BCAS3: variants seen among roughly 807,000 people sequenced by gnomAD.
The protein encoded by BCAS3 is BCAS4/BCAS3 fusion.
A neutral mutation model predicts 116.1 loss-of-function variants in BCAS3; 53 were observed. The observed-to-expected ratio is 0.46, with a 90% CI of 0.37 to 0.57. The LOEUF (loss-of-function observed/expected upper bound fraction) is 0.57. Among genes scored for constraint, BCAS3 ranks in the 20% least tolerant of loss-of-function variants. The pLI, the probability that BCAS3 is intolerant of heterozygous loss-of-function variation, is 0.00. For missense variants in BCAS3, 917 were observed against 1,165.4 expected, an observed-to-expected ratio of 0.79 and a Z score of 3.10; for synonymous variants, 391 against 408.2, an observed-to-expected ratio of 0.96 and a Z score of 0.51.
chr17:60,928,131 A>G (rs1465299263), intron 13 of BCAS3, among the ~76,000 whole-genome samples: 1 of 152,148 alleles, frequency 6.6e-6, no homozygotes, highest in African/African-American at 2.4e-5. Flanking sequence ...TTCACTTAAT[A>G]AGAGATAGTC....
chr17:61,266,748 C>T (rs1227109775), intron 22 of BCAS3, among the ~76,000 whole-genome samples: 2 of 152,140 alleles, frequency 1.3e-5, no homozygotes, highest in Admixed American at 6.6e-5. Flanking sequence ...CATCCCATTT[C>T]GTGTTAGAAA....
chr17:60,779,549 A>G (rs907796119), intron 6 of BCAS3, among the ~76,000 whole-genome samples: 8 of 152,010 alleles, frequency 5.3e-5, no homozygotes, highest in Non-Finnish European at 1.5e-5. Flanking sequence ...TTGTATTTTT[A>G]GTAGAGACAG....
intron 22 of BCAS3, among the ~76,000 whole-genome samples, chr17:61,283,861 TCAAA>T (rs2051468212): frequency 6.6e-6 from 1 of 152,140 alleles, no homozygotes; most frequent in African/African-American, 2.4e-5. Flanking sequence ...CCTCCTGGGC[TCAAA>T]CAGTCCTCCT....
intron 19 of BCAS3, among the ~76,000 whole-genome samples, chr17:61,049,786 G>A (rs1421179749): frequency 7.0e-6 from 1 of 142,160 alleles, no homozygotes; most frequent in African/African-American, 2.7e-5. Context: ...AGGCTAGAGT[G>A]CAATGGCGTG....
chr17:61,317,066 G>A (rs1484853444), intron 22 of BCAS3, among the ~76,000 whole-genome samples: 1 of 152,128 alleles, frequency 6.6e-6, no homozygotes, highest in African/African-American at 2.4e-5. Context: ...TCACTGCTTT[G>A]TTTTCTTAAA....
At chr17:61,045,845 C>A (rs1404420603) in intron 19 of BCAS3, among the ~76,000 whole-genome samples, 8 of 3,704 alleles carry the variant, frequency 2.2e-3, no homozygotes, top group East Asian at 3.7e-3. Flanking sequence ...CTCTCTCTCT[C>A]TCTCTATATA....
chr17:61,251,980 TA>T lies in BCAS3; in HGVS notation c.2426-116344del, dbSNP rs2048401444. The stretch of plus-strand genomic sequence containing the variant: ...TTTAGAAGAAAAAGAGAGAAAAGGA[TA>T]AAGAAAAAAACTAATAAAAATAGCT... On this transcript the variant is annotated intron_variant, in intron 22 of 23. Coordinates refer to ENST00000407086, the MANE Select transcript of BCAS3 (RefSeq NM_017679.5). This position sits in a 1 kb window ranked among gnomAD's most constrained non-coding sequence, Gnocchi z 4.7. 6.6e-6 allele frequency among the ~76,000 whole-genome samples: 1 copy of T among 151,794 alleles called. No individual in the cohort carries two copies. Among genetic ancestry groups the T allele is most frequent in the South Asian group, 2.1e-4 (1 of 4,816 alleles).
At chr17:61,230,992 GGTCTCACTAT>G (rs1177471625) in intron 22 of BCAS3, among the ~76,000 whole-genome samples, 1 of 138,480 alleles carries the variant, frequency 7.2e-6, no homozygotes, top group African/African-American at 2.7e-5. Flanking sequence ...TAAGAGATAA[GGTCTCACTAT>G]GTTCCCCAGG....
At chr17:61,045,849 C>CTCTCTCTA (rs1247914760) in intron 19 of BCAS3, among the ~76,000 whole-genome samples, 1 of 7,938 alleles carries the variant, frequency 1.3e-4, no homozygotes, top group African/African-American at 1.2e-3. Context: ...CTCTCTCTCT[C>CTCTCTCTA]TATATATATA....
rs568445618 is a variant in BCAS3, at chr17:61,117,278, A to G, written c.2425+32714A>G. The stretch of plus-strand genomic sequence containing the variant: ...ATCCACTTAGCTTTTTATTTTAGTT[A>G]TTGTATTTTTCAGTTCTAAAATTTT... On this transcript the variant is annotated intron_variant, in intron 22 of 23. Coordinates refer to ENST00000407086, the MANE Select transcript of BCAS3 (RefSeq NM_017679.5). Among the ~76,000 whole-genome samples, 10 of 152,110 alleles carry G rather than the reference A, an allele frequency of 6.6e-5. No individual in the cohort carries two copies. The South Asian group carries it at 2.1e-3, about 32-fold the overall frequency.
intron 4 of BCAS3, among the ~76,000 whole-genome samples, chr17:60,693,471 T>C (rs1244147033): frequency 1.3e-5 from 2 of 151,614 alleles, no homozygotes; most frequent in African/African-American, 4.9e-5. Context: ...TGCAGTGGCC[T>C]GAACTTGAAC....
At chr17:61,184,527 C>A (rs2079655878) in intron 22 of BCAS3, among the ~76,000 whole-genome samples, 1 of 152,040 alleles carries the variant, frequency 6.6e-6, no homozygotes, top group East Asian at 1.9e-4. Flanking sequence ...AATGGTATGT[C>A]CACTTTTTAA....
At chr17:61,175,591 G>C (rs2079087052) in intron 22 of BCAS3, among the ~76,000 whole-genome samples, 1 of 152,222 alleles carries the variant, frequency 6.6e-6, no homozygotes, top group Non-Finnish European at 1.5e-5. Flanking sequence ...AGCTGTCCCA[G>C]CTAGATTATA....
chr17:61,267,875 C>T (rs367680500), intron 22 of BCAS3, among the ~76,000 whole-genome samples: 1 of 152,102 alleles, frequency 6.6e-6, no homozygotes, highest in African/African-American at 2.4e-5. Flanking sequence ...TTGTTTTATT[C>T]TCCTCCACGT....
chr17:61,321,111 G>T (rs555241936), intron 22 of BCAS3, among the ~76,000 whole-genome samples: 1 of 152,052 alleles, frequency 6.6e-6, no homozygotes, highest in Non-Finnish European at 1.5e-5. Context: ...TTAATCTAGG[G>T]TCTTTTGGCC....
chr17:61,237,109 GC>G (rs2083122024), intron 22 of BCAS3, among the ~76,000 whole-genome samples: 1 of 152,166 alleles, frequency 6.6e-6, no homozygotes, highest in East Asian at 1.9e-4. Flanking sequence ...GAGAGGTGAA[GC>G]CAGCTGGACT....
In BCAS3 at chr17:61,274,111, C is replaced by T. The variant is rs564442793; in HGVS notation, c.2426-94216C>T. ...TCTCCTAATGCTATCCCTCCCCACT[C>T]CCCCCACCCCACAACAGTCCCCGGT... On this transcript the variant is annotated intron_variant, in intron 22 of 23. Transcript: ENST00000407086. 1.8e-3 allele frequency among the ~76,000 whole-genome samples: 278 copies of T among 150,314 alleles called. 2 individuals carry two copies. Among genetic ancestry groups the T allele is most frequent in the African/African-American group, 6.7e-3 (275 of 41,112 alleles).
chr17:61,371,773 G>A lies in BCAS3; in HGVS notation c.2593+3279G>A, dbSNP rs376290878. On this transcript the variant is annotated intron_variant, in intron 23 of 23. Coordinates refer to ENST00000407086, the MANE Select transcript of BCAS3 (RefSeq NM_017679.5). Reference sequence around the variant, plus strand: ...CCCACAGCAGCATCCGTAGCCAGGCGCCGGTGAGAAATGCAAAGCCTCAGG... The same window carrying A: ...CCCACAGCAGCATCCGTAGCCAGGCACCGGTGAGAAATGCAAAGCCTCAGG... 3.3e-5 allele frequency among the ~76,000 whole-genome samples: 5 copies of A among 152,142 alleles called. No homozygotes were observed. In the East Asian group the frequency reaches 7.7e-4, roughly 23 times the overall value.
chr17:60,878,679 A>G (rs1486230643), intron 9 of BCAS3, among the ~76,000 whole-genome samples: 1 of 152,102 alleles, frequency 6.6e-6, no homozygotes, highest in African/African-American at 2.4e-5. Context: ...AATGTATTTT[A>G]TTTCATATTT....
Sources: allele counts gnomAD v4.1 joint callset (sites outside exome capture counted in the v4.1 genomes callset), GRCh38; gene constraint gnomAD v4.1.1; non-coding constraint Gnocchi (gnomAD v3.1); transcripts MANE v1.5; gene names NCBI Gene and HGNC (gene_info 2026-07-23, HGNC 2026-07-21).